Variants in SLC4A4 observed in about 807,000 individuals in gnomAD.
SLC4A4 encodes electrogenic sodium bicarbonate cotransporter 1.
A neutral mutation model predicts 111.5 loss-of-function variants in SLC4A4; 27 were observed. The observed-to-expected ratio is 0.24, with a 90% CI of 0.18 to 0.33. SLC4A4 has a LOEUF of 0.33. SLC4A4 is among the 10% of genes least tolerant of loss of function. SLC4A4 has a pLI of 1.00. For missense variants in SLC4A4, 909 were observed against 1,315.5 expected (o/e 0.69, Z 4.78); for synonymous variants, 443 against 463.4 (o/e 0.96, Z 0.57).
intron 12 of SLC4A4, among the ~76,000 whole-genome samples, chr4:71,459,655 A>G (rs576843526): frequency 9.2e-5 from 14 of 152,168 alleles, no homozygotes; most frequent in East Asian, 5.8e-4. Context: ...GATTAACTAC[A>G]TGTTTATTAT....
At chr4:71,519,580 AT>A (rs1444353422) in intron 16 of SLC4A4, among the ~76,000 whole-genome samples, 1 of 152,208 alleles carries the variant, frequency 6.6e-6, no homozygotes, top group Non-Finnish European at 1.5e-5. Context: ...CTCATTTCAC[AT>A]TTACAGCTAA....
At chr4:71,164,046 G>A (rs1219624001) in intron 2 of SLC4A4, among the ~76,000 whole-genome samples, 1 of 152,020 alleles carries the variant, frequency 6.6e-6, no homozygotes, top group Non-Finnish European at 1.5e-5. Context: ...AGGAGTTTGA[G>A]ACCAGCCTGG....
chr4:71,258,662 A>G (rs1157696388), intron 3 of SLC4A4, among the ~76,000 whole-genome samples: 1 of 152,242 alleles, frequency 6.6e-6, no homozygotes, highest in Non-Finnish European at 1.5e-5. Context: ...TATCCTAGAT[A>G]GAGATCCAGC....
chr4:71,256,298 C>T (rs1721447899), intron 3 of SLC4A4, among the ~76,000 whole-genome samples: 1 of 152,126 alleles, frequency 6.6e-6, no homozygotes, highest in Non-Finnish European at 1.5e-5. Flanking sequence ...AGATAAAGAT[C>T]GGGTTCAGTC....
chr4:71,467,328 C>A (rs1727462946), intron 13 of SLC4A4, among the ~76,000 whole-genome samples: 1 of 152,052 alleles, frequency 6.6e-6, no homozygotes, highest in South Asian at 2.1e-4. Context: ...TCCACTGCTC[C>A]TCACCCCAGT....
At chr4:71,500,087 A>G (rs1041204966) in intron 16 of SLC4A4, among the ~76,000 whole-genome samples, 5 of 152,054 alleles carry the variant, frequency 3.3e-5, no homozygotes, top group Non-Finnish European at 4.4e-5. Flanking sequence ...CATCACCAAC[A>G]CTTATCTTTT....
At chr4:71,268,075 G>GTTTTTTTTTTTTTTTTTTTT (rs10657146) in intron 3 of SLC4A4, among the ~76,000 whole-genome samples, 1 of 87,586 alleles carries the variant, frequency 1.1e-5, no homozygotes, top group African/African-American at 4.5e-5. Flanking sequence ...ATAAAGTAGT[G>GTTTTTTTTTTTTTTTTTTTT]TTTTTTTTTT....
chr4:71,456,765 C>A (rs1440900842), intron 12 of SLC4A4, among the ~76,000 whole-genome samples: 1 of 152,114 alleles, frequency 6.6e-6, no homozygotes, highest in Non-Finnish European at 1.5e-5. Context: ...CAGTCTTTTT[C>A]AGTCACCCCC....
intron 5 of SLC4A4, among the ~76,000 whole-genome samples, 189 bp from the exon 6 acceptor site, chr4:71,356,819 T>A (rs1362298980): frequency 6.6e-6 from 1 of 152,224 alleles, no homozygotes; most frequent in African/African-American, 2.4e-5. Flanking sequence ...CTAATATTTG[T>A]ATCTCTCTCA....
chr4:71,397,928 C>T (rs528957523), intron 7 of SLC4A4, among the ~76,000 whole-genome samples: 10 of 152,266 alleles, frequency 6.6e-5, no homozygotes, highest in African/African-American at 2.2e-4. Context: ...GTAATAATCC[C>T]TGCCTTCTGT....
intron 6 of SLC4A4, among the ~76,000 whole-genome samples, chr4:71,363,808 C>T (rs974670291): frequency 2.0e-5 from 3 of 152,180 alleles, no homozygotes; most frequent in Admixed American, 6.5e-5. Context: ...ACCCAAATAA[C>T]GATCAAGCTC....
At chr4:71,502,973 T>C (rs191616199) in intron 16 of SLC4A4, among the ~76,000 whole-genome samples, 12 of 152,264 alleles carry the variant, frequency 7.9e-5, no homozygotes, top group Non-Finnish European at 1.6e-4. Flanking sequence ...TCCCTTTAGA[T>C]AGAATAATAA....
intron 2 of SLC4A4, among the ~76,000 whole-genome samples, chr4:71,099,118 C>G (rs1044239730): frequency 6.6e-6 from 1 of 152,098 alleles, no homozygotes; most frequent in African/African-American, 2.4e-5. Context: ...TCTGATAGAT[C>G]TCTACAGAAC....
intron 2 of SLC4A4, among the ~76,000 whole-genome samples, chr4:71,111,524 G>GTTTTTTTTTTTT (rs150777420): frequency 1.5e-4 from 9 of 60,782 alleles, no homozygotes; most frequent in Non-Finnish European, 2.3e-4. Flanking sequence ...CCACGCTCAG[G>GTTTTTTTTTTTT]TTTTTTTTTT....
chr4:71,458,024 C>T (rs1726452890), intron 12 of SLC4A4, among the ~76,000 whole-genome samples: 1 of 151,450 alleles, frequency 6.6e-6, no homozygotes, highest in African/African-American at 2.4e-5. Flanking sequence ...TTATTTTTTC[C>T]TATTTTTGAT....
At chr4:71,136,561 A>T (rs1007213645) in intron 2 of SLC4A4, among the ~76,000 whole-genome samples, 2 of 152,194 alleles carry the variant, frequency 1.3e-5, no homozygotes, top group Admixed American at 1.3e-4. Flanking sequence ...AGACTCAGTT[A>T]TGGTTTTATA....
chr4:71,150,955 A>T (rs1029479497), intron 2 of SLC4A4, among the ~76,000 whole-genome samples: 11 of 152,188 alleles, frequency 7.2e-5, no homozygotes. Flanking sequence ...CCATGCCTCA[A>T]ATTGTTCTTG....
At chr4:71,441,563 A>G (rs1724717526) in intron 8 of SLC4A4, among the ~76,000 whole-genome samples, 1 of 152,104 alleles carries the variant, frequency 6.6e-6, no homozygotes, top group South Asian at 2.1e-4. Context: ...GGGCAAGGAC[A>G]GGTTCCTTTA....
intron 7 of SLC4A4, among the ~76,000 whole-genome samples, chr4:71,399,923 C>T (rs758669903): frequency 2.0e-5 from 3 of 152,128 alleles, no homozygotes; most frequent in African/African-American, 7.2e-5. Context: ...GGAAGAAGAG[C>T]ATTTAAATAT....
Sources: gnomAD v4.1 joint callset for allele counts (sites outside exome capture counted in the v4.1 genomes callset) on GRCh38, gnomAD v4.1.1 for gene constraint, MANE v1.5 for transcripts, NCBI Gene and HGNC (gene_info 2026-07-23, HGNC 2026-07-21) for gene names.